The following BCL3 variants were observed in gnomAD, a reference collection of about 807,000 sequenced individuals.
The protein encoded by BCL3 is B-cell lymphoma 3 protein.
Under a neutral mutation model 35.7 loss-of-function variants are expected in BCL3, and 15 were observed. The observed-to-expected ratio is 0.42, with a 90% CI of 0.28 to 0.65. The LOEUF is 0.65. Ranked by LOEUF, BCL3 falls within the 30% of genes least tolerant of loss-of-function variation. BCL3 has a pLI of 0.22. For missense variants in BCL3, 565 were observed against 641.7 expected (o/e 0.88, Z 1.29); for synonymous variants, 311 against 284.3 (o/e 1.09, Z -0.95).
chr19:44,753,099 G>A (rs1243798499), intron 2 of BCL3, among the ~76,000 whole-genome samples: 1 of 152,220 alleles, frequency 6.6e-6, no homozygotes, highest in Non-Finnish European at 1.5e-5. Flanking sequence ...CACAGAACAG[G>A]GCTGGGCAAA....
chr19:44,757,621 C>CT lies in BCL3; in HGVS notation c.814-24dup, dbSNP rs766245483. Reference sequence around the variant, plus strand: ...GCTGCTGGAGCAGAGCTTGGAGAAACTAAGACCTTCCCTCCCCGCCGCAGG... The same window carrying CT: ...GCTGCTGGAGCAGAGCTTGGAGAAACTTAAGACCTTCCCTCCCCGCCGCAGG... On this transcript the variant is annotated intron_variant, in intron 5 of 8. Transcript: ENST00000164227. This position sits in a 1 kb window ranked among gnomAD's most constrained non-coding sequence, Gnocchi z 8.4. 222 of 1,612,390 alleles carry CT rather than the reference C, an allele frequency of 1.4e-4. No homozygotes were observed. Among genetic ancestry groups the CT allele is most frequent in the Middle Eastern group, 3.3e-4 (2 of 6,048 alleles).
chr19:44,757,374 G>A lies in BCL3; in HGVS notation c.772G>A (p.Val258Met), dbSNP rs369753256. 113 of 1,606,222 alleles carry A rather than the reference G, an allele frequency of 7.0e-5. No homozygotes were observed. Among genetic ancestry groups the A allele is most frequent in the Non-Finnish European group, 8.6e-5 (101 of 1,176,624 alleles). ...VAVNTECQET[V>M]QLLLERGADI... ...AGTGAACACCGAGTGCCAAGAAACC[G>A]TGCAGCTCTTGCTAGAGCGCGGTGC... is the stretch of plus-strand genomic sequence containing the variant. Residue 258 changes from valine (V) to methionine (M), a missense_variant, in exon 5 of 9, where the codon GTG becomes ATG. By Grantham distance (21) the Val-to-Met change is conservative. Coordinates refer to ENST00000164227, the MANE Select transcript of BCL3 (RefSeq NM_005178.5). This position sits in a 1 kb window ranked among gnomAD's most constrained non-coding sequence, Gnocchi z 8.4.
intron 2 of BCL3, among the ~76,000 whole-genome samples, chr19:44,752,505 C>T (rs1191362426): frequency 6.6e-6 from 1 of 152,172 alleles, no homozygotes; most frequent in African/African-American, 2.4e-5. Flanking sequence ...CCGAGCCCAG[C>T]TTACAGCTTT....
In BCL3 at chr19:44,749,046, G is replaced by A. The variant is rs1277571604; in HGVS notation, c.256G>A (p.Gly86Arg). 3 of 1,334,050 alleles carry A rather than the reference G, an allele frequency of 2.2e-6. No homozygotes were observed. The highest frequency in any genetic ancestry group is 2.9e-6 in the Non-Finnish European group (3 of 1,043,794). The allele number at this position is 1,334,050 out of a possible 1,614,324, so 82.6% of individuals were successfully genotyped here. ...LARPEALYYP[G>R]ALLPLYPTRA... Reference sequence around the variant, plus strand: ...CCGGCCGGAGGCGCTTTACTACCCCGGTGAGTGGCCCCCGAGGGTCCGGGC... The same window carrying A: ...CCGGCCGGAGGCGCTTTACTACCCCAGTGAGTGGCCCCCGAGGGTCCGGGC... Residue 86 changes from glycine to arginine, a missense_variant and splice_region_variant, in exon 1 of 9, where the codon GGA becomes AGA. Transcript: ENST00000164227.
intron 2 of BCL3, among the ~76,000 whole-genome samples, chr19:44,752,022 G>C (rs1465050274): frequency 6.6e-6 from 1 of 151,760 alleles, no homozygotes; most frequent in East Asian, 1.9e-4. Flanking sequence ...CACTGGACCT[G>C]GCATAAATGT....
chr19:44,753,196 G>GA (rs1466313648), intron 2 of BCL3, among the ~76,000 whole-genome samples: 1 of 152,202 alleles, frequency 6.6e-6, no homozygotes, highest in East Asian at 1.9e-4. Flanking sequence ...CCTAGCAGGA[G>GA]AAAGTGGCCT....
intron 1 of BCL3, among the ~76,000 whole-genome samples, 168 bp from the exon 2 acceptor site, chr19:44,751,059 G>A (rs959025804): frequency 1.6e-4 from 24 of 152,124 alleles, no homozygotes; most frequent in African/African-American, 3.4e-4. Context: ...GAGGAGGGAC[G>A]TGGAAGGGGG....
rs987686260 is a variant in BCL3, at chr19:44,758,424, G to A, written c.1059+11G>A. Reference sequence around the variant, plus strand: ...GCGCGCAGCCGCAGGGTGAGCCGGGGCAGCTGTGGACATGCCCCTTGCACA... The same window carrying A: ...GCGCGCAGCCGCAGGGTGAGCCGGGACAGCTGTGGACATGCCCCTTGCACA... On this transcript the variant is annotated intron_variant, in intron 7 of 8. Transcript: ENST00000164227. 3 of 1,540,126 alleles carry A rather than the reference G, an allele frequency of 1.9e-6. No individual in the cohort carries two copies. The highest frequency in any genetic ancestry group is 1.7e-4 in the Middle Eastern group (1 of 5,738).
chr19:44,756,560 C>T (rs1454716515), intron 3 of BCL3, among the ~76,000 whole-genome samples: 2 of 131,590 alleles, frequency 1.5e-5, no homozygotes, highest in Non-Finnish European at 3.2e-5. Context: ...GTCCTGGGCT[C>T]CTGAGTCTGA....
In BCL3 at chr19:44,752,641, G is replaced by GT. The variant is rs561971671; in HGVS notation, c.410+1264dup. On this transcript the variant is annotated intron_variant, in intron 2 of 8. Coordinates refer to ENST00000164227, the MANE Select transcript of BCL3 (RefSeq NM_005178.5). ...TTATCACCTGCAGTCTGAAGAACATGTTTGTGAGGCTGCTGAGAAGTCCTG... is the reference window on the plus strand; with the variant it reads ...TTATCACCTGCAGTCTGAAGAACATGTTTTGTGAGGCTGCTGAGAAGTCCTG... Among the ~76,000 whole-genome samples, 90 of 152,338 alleles carry GT rather than the reference G, an allele frequency of 5.9e-4. No individual in the cohort carries two copies. In the East Asian group the frequency reaches 0.015, roughly 25 times the overall value.
At chr19:44,755,637 C>T (rs1967265456) in intron 2 of BCL3, among the ~76,000 whole-genome samples, 2 of 152,168 alleles carry the variant, frequency 1.3e-5, no homozygotes, top group South Asian at 2.1e-4. Flanking sequence ...CCAGACTGGG[C>T]GTGGTGGCTC....
rs1568547604 is a variant in BCL3 at position 44,759,456 on chromosome 19, A to G, written c.1206A>G (p.Ser402=). Residue 402 remains serine, a synonymous_variant, in exon 9 of 9, where the codon TCA becomes TCG. Coordinates refer to ENST00000164227, the MANE Select transcript of BCL3 (RefSeq NM_005178.5). ...NGLLSASPSS[S]PSQSPPRDPP... ...TTCTCTCCGCATCACCATCCTCCTC[A>G]CCCTCCCAGTCTCCCCCCAGGGACC... 13 of 1,591,786 alleles carry G rather than the reference A, an allele frequency of 8.2e-6. No homozygotes were observed. In the East Asian group the frequency reaches 3.0e-4, roughly 37 times the overall value.
chr19:44,751,373 G>A lies in BCL3; in HGVS notation c.403G>A (p.Gly135Arg), dbSNP rs768583508. 11 of 1,581,192 alleles carry A rather than the reference G, an allele frequency of 7.0e-6. 1 individual carries two copies. Among genetic ancestry groups the A allele is most frequent in the South Asian group, 3.5e-5 (3 of 86,504 alleles). Residue 135 changes from glycine (G) to arginine (R), a missense_variant, in exon 2 of 9, where the codon GGA becomes AGA. By Grantham distance (125) the Gly-to-Arg change is moderately radical. Coordinates refer to ENST00000164227, the MANE Select transcript of BCL3 (RefSeq NM_005178.5). ...IAMATRADED[G>R]DTPLHIAVVQ... ...CATGGCCACCCGTGCAGATGAGGACGGAGACACGTGAGTGACAGTCCCCTA... is the reference window on the plus strand; with the variant it reads ...CATGGCCACCCGTGCAGATGAGGACAGAGACACGTGAGTGACAGTCCCCTA...
At chr19:44,756,774 AG>A (rs375139748) in intron 3 of BCL3, among the ~76,000 whole-genome samples, 2 of 142,798 alleles carry the variant, frequency 1.4e-5, no homozygotes, top group Non-Finnish European at 3.1e-5. Context: ...CCTAGTGAGG[AG>A]GGAGGGGGCT....
At position 44,757,851 on chromosome 19, in the gene BCL3, G is replaced by A. The variant is rs995246461; in HGVS notation, c.891+128G>A. The A allele has an allele frequency of 4.0e-5, 36 of 891,978 alleles. No homozygotes were observed. The highest frequency in any genetic ancestry group is 1.9e-4 in the South Asian group (12 of 64,098). 55.3% of individuals were successfully genotyped at this position (891,978 alleles called of 1,614,324 possible). On this transcript the variant is annotated intron_variant, in intron 6 of 8. Transcript: ENST00000164227. This position sits in a 1 kb window ranked among gnomAD's most constrained non-coding sequence, Gnocchi z 8.4. ...CGGCTCCTGCTCCGCGTCCAGCTCTGATCCTTTAAGGCCTAGTTTTCTCGA... is the reference window on the plus strand; with the variant it reads ...CGGCTCCTGCTCCGCGTCCAGCTCTAATCCTTTAAGGCCTAGTTTTCTCGA...
At chr19:44,756,974 G>A (rs758480693) in intron 3 of BCL3, 43 bp from the exon 4 acceptor site, 1 of 1,539,726 alleles carries the variant, frequency 6.5e-7, no homozygotes, top group Non-Finnish European at 8.8e-7. Context: ...CAGGACTAGA[G>A]AGCAGGGCTG....
At chr19:44,756,915 G>C in intron 3 of BCL3, 102 bp from the exon 4 acceptor site, 6 of 1,150,206 alleles carry the variant, frequency 5.2e-6, no homozygotes, top group Non-Finnish European at 7.3e-6. Flanking sequence ...TTCTGTTCCT[G>C]GGGAAGACTG....
rs1278724751 is a variant in BCL3 at position 44,759,715 on chromosome 19, C to CA, written c.*100_*101insA. 3.1e-6 allele frequency: 2 copies of CA among 652,078 alleles called. No homozygotes were observed. Among genetic ancestry groups the CA allele is most frequent in the Non-Finnish European group, 5.1e-6 (2 of 395,770 alleles). 40.4% of individuals were successfully genotyped at this position (652,078 alleles called of 1,614,324 possible). On this transcript the variant is annotated 3_prime_UTR_variant, in exon 9 of 9. Coordinates refer to ENST00000164227, the MANE Select transcript of BCL3 (RefSeq NM_005178.5). The stretch of plus-strand genomic sequence containing the variant: ...TGTGAAGATCTCACTCTGCCCCCCC[C>CA]CCCCATCTTCGGGACCAGGATTTGC...
chr19:44,759,584 T>C lies in BCL3; in HGVS notation c.1334T>C (p.Val445Ala). The C allele has an allele frequency of 6.2e-7, 1 of 1,607,260 alleles. No homozygotes were observed. Among genetic ancestry groups the C allele is most frequent in the Non-Finnish European group, 8.5e-7 (1 of 1,178,388 alleles). ...AGVLRGPGRP[V>A]PPSPAPGGS ...GTCCTCCGAGGCCCTGGCCGGCCGG[T>C]GCCCCCCTCCCCAGCTCCAGGAGGC... Residue 445 changes from valine to alanine, a missense_variant, in exon 9 of 9, where the codon GTG becomes GCG. Physicochemically the swap from Val to Ala is moderately conservative, Grantham distance 64. Coordinates refer to ENST00000164227, the MANE Select transcript of BCL3 (RefSeq NM_005178.5).
Sources: allele counts gnomAD v4.1 joint callset (sites outside exome capture counted in the v4.1 genomes callset), GRCh38; gene constraint gnomAD v4.1.1; non-coding constraint Gnocchi (gnomAD v3.1); transcripts MANE v1.5; gene names NCBI Gene and HGNC (gene_info 2026-07-23, HGNC 2026-07-21).